The following DNAH5 variants were observed in gnomAD, a reference collection of about 807,000 sequenced individuals.
DNAH5 encodes the protein dynein axonemal heavy chain 5, also known as axonemal beta dynein heavy chain 5.
In DNAH5, 372 loss-of-function variants were observed where a neutral mutation model predicts 518.2. The observed-to-expected ratio is 0.72, with a 90% CI of 0.66 to 0.78. The LOEUF is 0.78. DNAH5 is among the 30% of genes least tolerant of loss of function. DNAH5 has a pLI of 0.00. For missense variants in DNAH5, 5,523 were observed against 5,687.0 expected, an observed-to-expected ratio of 0.97 and a Z score of 0.93; for synonymous variants, 2,039 against 2,025.9, an observed-to-expected ratio of 1.01 and a Z score of -0.17.
In DNAH5 at chr5:13,855,479, A is replaced by T. The variant is rs1234261419; in HGVS notation, c.4950+3973T>A. Among the ~76,000 whole-genome samples, 4 of 149,536 alleles carry T rather than the reference A, an allele frequency of 2.7e-5. 1 individual carries two copies. In the East Asian group the frequency reaches 7.8e-4, roughly 29 times the overall value. On this transcript the variant is annotated intron_variant, in intron 30 of 78. Coordinates refer to ENST00000265104, the MANE Select transcript of DNAH5 (RefSeq NM_001369.3). ...CGCCTCGGCCTCCCAAAGTGCTGGG[A>T]TTACAGGCGTGAGCCACCGCGCCCG... is the stretch of plus-strand genomic sequence containing the variant.
At chr5:13,761,938 A>G (rs531779671) in intron 60 of DNAH5, among the ~76,000 whole-genome samples, 2 of 152,296 alleles carry the variant, frequency 1.3e-5, no homozygotes, top group Admixed American at 6.5e-5. Context: ...GATTATTTGT[A>G]TGATGATTGT....
intron 12 of DNAH5, among the ~76,000 whole-genome samples, chr5:13,908,800 C>T (rs981741371): frequency 6.6e-6 from 1 of 152,188 alleles, no homozygotes; most frequent in Non-Finnish European, 1.5e-5. Context: ...CCTTTGACAC[C>T]ACCCTGATCC....
chr5:13,985,243 A>G (rs1445715486), intron 1 of DNAH5, among the ~76,000 whole-genome samples: 54 of 137,658 alleles, frequency 3.9e-4, no homozygotes, highest in Non-Finnish European at 3.1e-5. Flanking sequence ...ACACTTGGAC[A>G]CAGGAAGGGG....
At chr5:13,878,341 G>A (rs1178115207) in intron 21 of DNAH5, among the ~76,000 whole-genome samples, 1 of 152,184 alleles carries the variant, frequency 6.6e-6, no homozygotes, top group East Asian at 1.9e-4. Flanking sequence ...AACACTACCA[G>A]GGGCTACACC....
intron 3 of DNAH5, among the ~76,000 whole-genome samples, chr5:13,924,935 C>T (rs763769901): frequency 8.6e-5 from 13 of 152,038 alleles, no homozygotes; most frequent in East Asian, 1.9e-4. Context: ...CCAAATGGAC[C>T]GGTAGCTCAA....
intron 65 of DNAH5, among the ~76,000 whole-genome samples, chr5:13,749,938 T>G (rs1307609693): frequency 6.6e-6 from 1 of 151,558 alleles, no homozygotes; most frequent in Admixed American, 6.6e-5. Context: ...CCAGAATCAG[T>G]ATCTGCCATT....
chr5:13,747,157 C>G (rs577133195), intron 65 of DNAH5, among the ~76,000 whole-genome samples: 6 of 151,746 alleles, frequency 4.0e-5, no homozygotes, highest in Admixed American at 2.6e-4. Context: ...TTTGTCCTTG[C>G]GATAGTTTGC....
rs1184076427 is a variant in DNAH5 at position 13,900,260 on chromosome 5, T to A, written c.2205A>T (p.Ala735=). 2 of 1,614,188 alleles carry A rather than the reference T, an allele frequency of 1.2e-6. No homozygotes were observed. The highest frequency in any genetic ancestry group is 3.3e-5 in the Admixed American group (2 of 60,032). The stretch of plus-strand genomic sequence containing the variant: ...TATCTCGTTTCTGGAAGAGGGAAGT[T>A]GCCAGTGGAGAGACTTCCAGACCCA... ...AQMGLEVSPL[A]TSLFQKRDRY... The change falls in exon 15 of 79, where the codon GCA becomes GCT. Residue 735 remains alanine (A), a synonymous_variant. Transcript: ENST00000265104.
chr5:13,998,880 C>T (rs1784148763), intron 1 of DNAH5, among the ~76,000 whole-genome samples: 1 of 152,018 alleles, frequency 6.6e-6, no homozygotes, highest in Non-Finnish European at 1.5e-5. Context: ...TTGATTACTT[C>T]TTTTTTCTTG....
chr5:13,997,779 G>T (rs1784064903), intron 1 of DNAH5, among the ~76,000 whole-genome samples: 1 of 151,868 alleles, frequency 6.6e-6, no homozygotes, highest in African/African-American at 2.4e-5. Context: ...AGTTCATTTG[G>T]GCTGCTGTAA....
At chr5:13,934,677 G>T (rs1036894817) in intron 1 of DNAH5, among the ~76,000 whole-genome samples, 10 of 152,104 alleles carry the variant, frequency 6.6e-5, no homozygotes, top group Admixed American at 5.2e-4. Flanking sequence ...TGAAAAAGTT[G>T]GAGATTTCAG....
chr5:13,927,478 C>T (rs565492365), intron 3 of DNAH5, among the ~76,000 whole-genome samples: 49 of 152,102 alleles, frequency 3.2e-4, no homozygotes, highest in Admixed American at 7.9e-4. Flanking sequence ...CACTGCACTC[C>T]AGTCTGGTGA....
intron 65 of DNAH5, among the ~76,000 whole-genome samples, chr5:13,740,531 A>C (rs1748334623): frequency 6.6e-6 from 1 of 152,122 alleles, no homozygotes. Flanking sequence ...GTGGTTTTCA[A>C]ATTTCAGTGC....
At chr5:13,767,549 G>A (rs1752677370) in intron 58 of DNAH5, among the ~76,000 whole-genome samples, 1 of 152,168 alleles carries the variant, frequency 6.6e-6, no homozygotes, top group African/African-American at 2.4e-5. Flanking sequence ...TAAAAGAAAA[G>A]AGAAAAATAG....
intron 1 of DNAH5, among the ~76,000 whole-genome samples, chr5:13,961,141 C>T (rs1400982123): frequency 6.6e-6 from 1 of 152,128 alleles, no homozygotes; most frequent in African/African-American, 2.4e-5. Flanking sequence ...TTCTATACCT[C>T]CCTCCCTTGA....
At position 13,867,879 on chromosome 5, in the gene DNAH5, G is replaced by C. The variant is rs369432984; in HGVS notation, c.3948C>G (p.Val1316=). ...WEKLLARAGE[V]QNKLVSLQPS... is the part of the protein sequence containing the mutation. ...GCTGCAGTGAGACTAATTTATTCTG[G>C]ACTTCGCCAGCACGTGCCAGCAGCT... Residue 1316 remains valine (V), a synonymous_variant, in exon 25 of 79, where the codon GTC becomes GTG. Transcript: ENST00000265104. The C allele has an allele frequency of 3.7e-6, 6 of 1,614,012 alleles. No individual in the cohort carries two copies. In the African/African-American group the frequency reaches 4.0e-5, roughly 11 times the overall value.
At chr5:13,863,610 C>A (rs1768795317) in intron 28 of DNAH5, among the ~76,000 whole-genome samples, 1 of 152,112 alleles carries the variant, frequency 6.6e-6, no homozygotes, top group Non-Finnish European at 1.5e-5. Flanking sequence ...CTCTCCTCTC[C>A]AGCTTTACTA....
At chr5:13,987,851 A>C (rs925147308) in intron 1 of DNAH5, among the ~76,000 whole-genome samples, 17 of 152,006 alleles carry the variant, frequency 1.1e-4, no homozygotes, top group African/African-American at 3.9e-4. Flanking sequence ...AAAAAAAAAA[A>C]AACAATTTAA....
rs372754085 is a variant in DNAH5 at position 13,830,655 on chromosome 5, G to A, written c.6003C>T (p.Val2001=). ...TCTGGTCTGAACAATTGAAAACCAC[G>A]ACGTATTTCCCGAGGCATCGTCCCA... ...KDMGRCLGKY[V]VVFNCSDQMD... Residue 2001 remains valine (V), a synonymous_variant, in exon 36 of 79, where the codon GTC becomes GTT. Transcript: ENST00000265104. 8 of 1,614,150 alleles carry A rather than the reference G, an allele frequency of 5.0e-6. No homozygotes were observed. In the Admixed American group the frequency reaches 5.0e-5, roughly 10 times the overall value.
Sources: gnomAD v4.1 joint callset for allele counts (sites outside exome capture counted in the v4.1 genomes callset) on GRCh38, gnomAD v4.1.1 for gene constraint, MANE v1.5 for transcripts, NCBI Gene and HGNC (gene_info 2026-07-23, HGNC 2026-07-21) for gene names.